LDB2: variants seen among roughly 807,000 people sequenced by gnomAD.
LDB2 encodes LIM domain-binding protein 2.
In LDB2, 12 loss-of-function variants were observed where a neutral mutation model predicts 44.3. The observed-to-expected ratio is 0.27, with a 90% CI of 0.17 to 0.44. The LOEUF is 0.44. Among genes scored for constraint, LDB2 ranks in the 20% least tolerant of loss-of-function variants. The pLI, the probability that LDB2 is intolerant of heterozygous loss-of-function variation, is 1.00. For synonymous variants in LDB2, 164 were observed against 174.8 expected, an observed-to-expected ratio of 0.94 and a Z score of 0.49; for missense variants, 344 against 473.5, an observed-to-expected ratio of 0.73 and a Z score of 2.54.
At chr4:16,848,377 A>T (rs1420344831) in intron 1 of LDB2, among the ~76,000 whole-genome samples, 1 of 152,242 alleles carries the variant, frequency 6.6e-6, no homozygotes, top group Non-Finnish European at 1.5e-5. Flanking sequence ...ATGTTTTAAA[A>T]CAATGTCAAA....
chr4:16,840,034 A>G (rs528166255), intron 1 of LDB2, among the ~76,000 whole-genome samples: 1 of 152,318 alleles, frequency 6.6e-6, no homozygotes, highest in Non-Finnish European at 1.5e-5. Context: ...CTAGTAGTAA[A>G]TACATACTAT....
chr4:16,803,698 T>C (rs1778260275), intron 1 of LDB2, among the ~76,000 whole-genome samples: 1 of 152,234 alleles, frequency 6.6e-6, no homozygotes, highest in African/African-American at 2.4e-5. Context: ...GTTACAATTC[T>C]GTGCTTTATT....
At chr4:16,712,719 G>A (rs1348327895) in intron 2 of LDB2, among the ~76,000 whole-genome samples, 2 of 152,180 alleles carry the variant, frequency 1.3e-5, no homozygotes, top group Non-Finnish European at 2.9e-5. Flanking sequence ...CTACTGGAGT[G>A]AATGTGGAGA....
intron 2 of LDB2, among the ~76,000 whole-genome samples, chr4:16,668,294 C>G (rs1021019502): frequency 6.6e-6 from 1 of 152,252 alleles, no homozygotes; most frequent in Middle Eastern, 3.4e-3. Flanking sequence ...ACAATCACTG[C>G]TCTGAAATTG....
chr4:16,643,192 G>A (rs1699110730), intron 2 of LDB2, among the ~76,000 whole-genome samples: 1 of 150,030 alleles, frequency 6.7e-6, no homozygotes, highest in South Asian at 2.1e-4. Context: ...GTGGGATGGG[G>A]TGGGGGGGGC....
intron 5 of LDB2, among the ~76,000 whole-genome samples, chr4:16,528,185 C>A (rs948913909): frequency 1.3e-5 from 2 of 152,028 alleles, no homozygotes; most frequent in African/African-American, 4.8e-5. Context: ...AAGAATGATA[C>A]AATGGACTTT....
chr4:16,579,681 G>A (rs958167901), intron 5 of LDB2, among the ~76,000 whole-genome samples: 6 of 152,154 alleles, frequency 3.9e-5, no homozygotes, highest in Admixed American at 1.3e-4. Flanking sequence ...TCTAGGTAGT[G>A]ATTTTAGAAA....
chr4:16,757,988 A>G (rs1317375938), intron 2 of LDB2, among the ~76,000 whole-genome samples: 7 of 41,898 alleles, frequency 1.7e-4, no homozygotes, highest in Admixed American at 1.2e-3. Context: ...AGACACAAAC[A>G]TGAGAGATGC....
intron 2 of LDB2, among the ~76,000 whole-genome samples, chr4:16,702,795 C>T (rs79613107): frequency 5.2e-4 from 79 of 152,280 alleles, no homozygotes; most frequent in African/African-American, 1.7e-3. Flanking sequence ...CATTCCTCAC[C>T]ATAACTTATG....
intron 2 of LDB2, among the ~76,000 whole-genome samples, chr4:16,722,885 T>C (rs933432774): frequency 2.0e-5 from 3 of 152,154 alleles, no homozygotes; most frequent in Non-Finnish European, 2.9e-5. Flanking sequence ...CCACTTATGA[T>C]TTTTTGACTT....
chr4:16,808,021 GC>G (rs1221290133), intron 1 of LDB2, among the ~76,000 whole-genome samples: 1 of 151,948 alleles, frequency 6.6e-6, no homozygotes, highest in Non-Finnish European at 1.5e-5. Flanking sequence ...TGTCAAAGGA[GC>G]TTCTATGCTA....
Position 16,759,192 on chromosome 4 carries a change from A to C in LDB2, c.201T>G (p.Leu67=). Residue 67 remains leucine (L), a synonymous_variant, in exon 2 of 8, where the codon CTT becomes CTG. Transcript: ENST00000304523. ...EFFEDDATLT[L]SFCLEDGPKR... Reference sequence around the variant, plus strand: ...TTGGTCCATCTTCCAAACAAAATGAAAGGGTTAATGTGGCGTCATCTTCAA... The same window carrying C: ...TTGGTCCATCTTCCAAACAAAATGACAGGGTTAATGTGGCGTCATCTTCAA... The C allele has an allele frequency of 6.2e-7, 1 of 1,614,004 alleles. No homozygotes were observed. The highest frequency in any genetic ancestry group is 1.1e-5 in the South Asian group (1 of 91,074).
intron 5 of LDB2, among the ~76,000 whole-genome samples, chr4:16,573,384 G>T (rs955075629): frequency 6.6e-6 from 1 of 152,066 alleles, no homozygotes; most frequent in Non-Finnish European, 1.5e-5. Context: ...TGCCATATGA[G>T]CTCGATAAAC....
At chr4:16,586,224 A>G (rs966131737) in intron 4 of LDB2, among the ~76,000 whole-genome samples, 25 of 152,162 alleles carry the variant, frequency 1.6e-4, no homozygotes, top group African/African-American at 5.8e-4. Context: ...GGAAAAACCA[A>G]ACTGCTCAGA....
At chr4:16,638,285 G>A (rs143859851) in intron 2 of LDB2, among the ~76,000 whole-genome samples, 1,885 of 152,306 alleles carry the variant, frequency 0.012, 22 homozygotes, top group South Asian at 0.033. Flanking sequence ...TACTCTTTGT[G>A]GTGTTGAATG....
intron 1 of LDB2, among the ~76,000 whole-genome samples, chr4:16,883,538 G>A (rs1333899709): frequency 3.3e-5 from 5 of 152,206 alleles, no homozygotes; most frequent in African/African-American, 7.2e-5. Context: ...GGCTTGGGAC[G>A]TTCCTCTGAT....
At chr4:16,884,692 C>A (rs1561536304) in intron 1 of LDB2, among the ~76,000 whole-genome samples, 1 of 152,158 alleles carries the variant, frequency 6.6e-6, no homozygotes, top group Admixed American at 6.5e-5. Flanking sequence ...CTGCCCTCTT[C>A]GTCTCTAGAC....
intron 7 of LDB2, among the ~76,000 whole-genome samples, chr4:16,507,910 A>G (rs1384548740): frequency 1.3e-5 from 2 of 152,232 alleles, no homozygotes; most frequent in East Asian, 1.9e-4. Flanking sequence ...GAATTCAAAG[A>G]AGTCCCCTTC....
chr4:16,728,186 TTAA>T (rs2152692798), intron 2 of LDB2, among the ~76,000 whole-genome samples: 1 of 152,128 alleles, frequency 6.6e-6, no homozygotes, highest in South Asian at 2.1e-4. Flanking sequence ...TATCAGACAG[TTAA>T]AAAAGGGATA....
Sources: allele counts gnomAD v4.1 joint callset (sites outside exome capture counted in the v4.1 genomes callset), GRCh38; gene constraint gnomAD v4.1.1; transcripts MANE v1.5; gene names NCBI Gene and HGNC (gene_info 2026-07-23, HGNC 2026-07-21).